Variants in TOP2B observed in about 807,000 individuals in gnomAD.
TOP2B encodes DNA topoisomerase 2-beta.
In TOP2B, 51 loss-of-function variants were observed where a neutral mutation model predicts 193.5. That is an observed-to-expected ratio of 0.26 (90% CI 0.21 to 0.33). TOP2B has a LOEUF of 0.33. TOP2B is among the 10% of genes least tolerant of loss of function. TOP2B has a pLI of 1.00. For synonymous variants in TOP2B, 634 were observed against 635.7 expected (o/e 1.00, Z 0.04); for missense variants, 1,378 against 1,909.3 (o/e 0.72, Z 5.19).
chr3:25,644,791 T>A (rs1440684714), intron 2 of TOP2B, among the ~76,000 whole-genome samples: 1 of 151,816 alleles, frequency 6.6e-6, no homozygotes, highest in African/African-American at 2.4e-5. Flanking sequence ...ACTTCATTTT[T>A]CTGATTTTTG....
chr3:25,629,996 G>A, intron 13 of TOP2B, 33 bp downstream of exon 13: 1 of 1,545,970 alleles, frequency 6.5e-7, no homozygotes, highest in Non-Finnish European at 8.7e-7. Context: ...AAGAAGACAT[G>A]AATTTGAAAT....
intron 28 of TOP2B, 38 bp downstream of exon 28, chr3:25,612,477 T>C (rs1194936087): frequency 1.4e-6 from 2 of 1,465,448 alleles, no homozygotes; most frequent in African/African-American, 2.8e-5. Context: ...TATTTCATTA[T>C]AGAAATGAGT....
intron 1 of TOP2B, 32 bp downstream of exon 1, chr3:25,664,197 G>T (rs1173737655): frequency 4.6e-6 from 7 of 1,535,522 alleles, no homozygotes; most frequent in Middle Eastern, 3.7e-4. Flanking sequence ...CCGGAACAAT[G>T]CAGCCGCCCG....
chr3:25,633,791 T>C (rs754338322), intron 8 of TOP2B, 50 bp downstream of exon 8: 1 of 1,431,512 alleles, frequency 7.0e-7, no homozygotes, highest in Non-Finnish European at 9.3e-7. Context: ...TAGTTTTTAT[T>C]GAAGTACTGT....
Position 25,645,432 on chromosome 3 carries a change from CTCT to C in TOP2B, c.105_107del (p.Glu36del), listed in dbSNP as rs754989083. Reference sequence around the variant, plus strand: ...AATCATTTTTGTTGGCAGTTTCTGACTCTTCTTTTTTTGCAGCATTGTTCTGAT... The same window carrying C: ...AATCATTTTTGTTGGCAGTTTCTGACTCTTTTTTTGCAGCATTGTTCTGAT... On this transcript the variant is annotated inframe_deletion, in exon 2 of 36. Transcript: ENST00000264331. The C allele has an allele frequency of 4.3e-6, 7 of 1,613,514 alleles. No individual in the cohort carries two copies. Among genetic ancestry groups the C allele is most frequent in the Admixed American group, 1.7e-5 (1 of 59,944 alleles).
intron 1 of TOP2B, among the ~76,000 whole-genome samples, chr3:25,661,205 G>T (rs1428824207): frequency 6.6e-6 from 1 of 152,112 alleles, no homozygotes; most frequent in Non-Finnish European, 1.5e-5. Context: ...CTCCATGTTG[G>T]TCAGGCTGGT....
chr3:25,614,010 C>T (rs1025241915), intron 27 of TOP2B, among the ~76,000 whole-genome samples: 3 of 152,114 alleles, frequency 2.0e-5, no homozygotes, highest in African/African-American at 7.2e-5. Flanking sequence ...AATAGATATT[C>T]AATTAATGTT....
intron 1 of TOP2B, among the ~76,000 whole-genome samples, chr3:25,647,961 G>A (rs933930687): frequency 3.3e-5 from 5 of 152,186 alleles, no homozygotes; most frequent in African/African-American, 1.2e-4. Flanking sequence ...CACCCCAGGT[G>A]AGCATAAAAT....
At chr3:25,663,972 G>C (rs1703999559) in intron 1 of TOP2B, among the ~76,000 whole-genome samples, 1 of 152,126 alleles carries the variant, frequency 6.6e-6, no homozygotes, top group Non-Finnish European at 1.5e-5. Context: ...TGTATGTTAC[G>C]TTCGCGGTTT....
Position 25,630,406 on chromosome 3 carries a change from G to C in TOP2B, c.1469C>G (p.Ala490Gly). The part of the protein sequence containing the change: ...LTEGDSAKSL[A>G]VSGLGVIGRD... ...TCCAATCACACCTAATCCAGACACA[G>C]CCAGTGATTTGGCAGAGTCTCCCTC... The change falls in exon 12 of 36, where the codon GCT (alanine) becomes GGT (glycine). Residue 490 changes from alanine to glycine, a missense_variant. Ala to Gly is a moderately conservative substitution (Grantham distance 60, BLOSUM62 0). Around this residue, in one of 9 missense-constraint regions of TOP2B, gnomAD observed 66 missense variants for 153.3 expected, o/e 0.43. Coordinates refer to ENST00000264331, the MANE Select transcript of TOP2B (RefSeq NM_001330700.2). 1 of 1,552,430 alleles carries C rather than the reference G, an allele frequency of 6.4e-7. No homozygotes were observed. The highest frequency in any genetic ancestry group is 8.7e-7 in the Non-Finnish European group (1 of 1,147,132).
At chr3:25,649,872 TA>T (rs1207958764) in intron 1 of TOP2B, among the ~76,000 whole-genome samples, 3 of 151,996 alleles carry the variant, frequency 2.0e-5, no homozygotes, top group Non-Finnish European at 2.9e-5. Flanking sequence ...AATCAAAAGA[TA>T]AAAATAAAAA....
chr3:25,628,324 A>C (rs1702864947), intron 15 of TOP2B, among the ~76,000 whole-genome samples: 1 of 151,676 alleles, frequency 6.6e-6, no homozygotes, highest in African/African-American at 2.4e-5. Flanking sequence ...AAAATACAAA[A>C]ATTAGCTGGG....
intron 6 of TOP2B, among the ~76,000 whole-genome samples, 176 bp downstream of exon 6, chr3:25,637,039 T>A (rs1263464533): frequency 6.6e-6 from 1 of 152,002 alleles, no homozygotes; most frequent in Non-Finnish European, 1.5e-5. Context: ...TAGGCTTATA[T>A]TAAATCTCCC....
At chr3:25,614,093 A>G (rs2125356959) in intron 27 of TOP2B, among the ~76,000 whole-genome samples, 1 of 152,326 alleles carries the variant, frequency 6.6e-6, no homozygotes, top group South Asian at 2.1e-4. Context: ...AAAAATAAAT[A>G]CATCCAGAAT....
In TOP2B at chr3:25,642,826, A is replaced by T. The variant is rs1364531949; in HGVS notation, c.332-441T>A. Among the ~76,000 whole-genome samples, 3 of 152,178 alleles carry T rather than the reference A, an allele frequency of 2.0e-5. No individual in the cohort carries two copies. The East Asian group carries it at 5.8e-4, about 29-fold the overall frequency. ...AACCAGTTCATTTTCAGTTACAAAC[A>T]AAGAAAAAGTCTTTAACACCCTTAG... On this transcript the variant is annotated intron_variant, in intron 3 of 35. Coordinates refer to ENST00000264331, the MANE Select transcript of TOP2B (RefSeq NM_001330700.2).
chr3:25,661,294 C>T (rs895495381), intron 1 of TOP2B, among the ~76,000 whole-genome samples: 20 of 152,104 alleles, frequency 1.3e-4, no homozygotes, highest in African/African-American at 3.6e-4. Context: ...CCACCGCACC[C>T]GGCAGGTTGA....
At chr3:25,598,618 C>A in intron 35 of TOP2B, 141 bp from the exon 36 acceptor site, 1 of 615,168 alleles carries the variant, frequency 1.6e-6, no homozygotes, top group Admixed American at 3.9e-5. Flanking sequence ...TAATGCTAAC[C>A]TAAGTGTAAG....
chr3:25,607,912 G>C (rs1002882526), intron 30 of TOP2B, among the ~76,000 whole-genome samples: 1 of 152,142 alleles, frequency 6.6e-6, no homozygotes, highest in African/African-American at 2.4e-5. Flanking sequence ...CTGCTGAGTA[G>C]CTGGGACTAC....
In TOP2B at chr3:25,664,784, G is replaced by T; in HGVS notation, c.-487C>A. 1.0e-6 allele frequency: 1 copy of T among 986,680 alleles called. No individual in the cohort carries two copies. The highest frequency in any genetic ancestry group is 4.6e-5 in the South Asian group (1 of 21,790). The allele number at this position is 986,680 out of a possible 1,614,324, so 61.1% of individuals were successfully genotyped here. ...CCCGGTCGCCGCCGCTGCTTCAAAG[G>T]CAGCCTTAGCCTCGCTGCAGCCCCG... On this transcript the variant is annotated 5_prime_UTR_variant, in exon 1 of 36. Transcript: ENST00000264331.
Sources: allele counts gnomAD v4.1 joint callset (sites outside exome capture counted in the v4.1 genomes callset), GRCh38; gene constraint gnomAD v4.1.1; regional missense constraint gnomAD v4.1.1; transcripts MANE v1.5; gene names NCBI Gene and HGNC (gene_info 2026-07-23, HGNC 2026-07-21).